Variants in ZIC4 observed in about 807,000 individuals in gnomAD.
ZIC4 encodes zinc finger protein ZIC 4.
A neutral mutation model predicts 28.8 loss-of-function variants in ZIC4; 15 were observed. The observed-to-expected ratio is 0.52, with a 90% CI of 0.35 to 0.80. The LOEUF (loss-of-function observed/expected upper bound fraction) is 0.80. Among genes scored for constraint, ZIC4 ranks in the 30% least tolerant of loss-of-function variants. ZIC4 has a pLI of 0.01. For synonymous variants in ZIC4, 220 were observed against 198.1 expected, an observed-to-expected ratio of 1.11 and a Z score of -0.93; for missense variants, 512 against 467.1, an observed-to-expected ratio of 1.10 and a Z score of -0.89.
rs780565526 is a variant in ZIC4, at chr3:147,391,212, G to A, written c.723C>T (p.Cys241=). 10 of 1,603,642 alleles carry A rather than the reference G, an allele frequency of 6.2e-6. No homozygotes were observed. Among genetic ancestry groups the A allele is most frequent in the Non-Finnish European group, 3.4e-6 (4 of 1,172,370 alleles). ...CGCTGCTGTTGGCGAAGCGCCGCTC[G>A]CAGCCCTCGAACTCGCATCTGAAGG... ...EKPFRCEFEG[C]ERRFANSSDR... The change falls in exon 4 of 5, where the codon TGC becomes TGT. Residue 241 remains cysteine (C), a synonymous_variant. Coordinates refer to ENST00000383075, the MANE Select transcript of ZIC4 (RefSeq NM_032153.6).
At chr3:147,397,419 C>A (rs1282375150) in intron 2 of ZIC4, among the ~76,000 whole-genome samples, 2 of 152,042 alleles carry the variant, frequency 1.3e-5, no homozygotes, top group Non-Finnish European at 2.9e-5. Context: ...CTCCCTCACC[C>A]CACCCCCACA....
intron 2 of ZIC4, among the ~76,000 whole-genome samples, chr3:147,400,933 C>T (rs552792379): frequency 6.6e-6 from 1 of 152,290 alleles, no homozygotes; most frequent in South Asian, 2.1e-4. Context: ...TCTATTCCTA[C>T]CCATGCCTGG....
chr3:147,392,245 A>G (rs1386493048), intron 3 of ZIC4: 2 of 985,594 alleles, frequency 2.0e-6, no homozygotes, highest in Non-Finnish European at 2.4e-6. Context: ...CGGGAAGAAA[A>G]CAGCTGCTGC....
At chr3:147,402,455 G>A (rs955897594) in intron 2 of ZIC4, among the ~76,000 whole-genome samples, 23 of 152,180 alleles carry the variant, frequency 1.5e-4, no homozygotes, top group Non-Finnish European at 3.4e-4. Flanking sequence ...GTTTCAATGA[G>A]AGAATCGTCA....
At position 147,396,221 on chromosome 3, in the gene ZIC4, G is replaced by T; in HGVS notation, c.319C>A (p.Leu107Ile). 6.2e-7 allele frequency: 1 copy of T among 1,613,986 alleles called. No individual in the cohort carries two copies. Among genetic ancestry groups the T allele is most frequent in the Non-Finnish European group, 8.5e-7 (1 of 1,179,956 alleles). The change falls in exon 3 of 5, where the codon CTC becomes ATC. Residue 107 changes from leucine (L) to isoleucine (I), a missense_variant. Leu to Ile is a conservative substitution (Grantham distance 5). Coordinates refer to ENST00000383075, the MANE Select transcript of ZIC4 (RefSeq NM_032153.6). The surrounding 1 kb of genome is among the most constrained non-coding windows in gnomAD (Gnocchi z 4.2). ...GCGCCAGGACCGTGGGGCGCAGCGA[G>T]GTTCACCGTCAGGTTCATGCCCCCG... ...GYGGMNLTVN[L>I]AAPHGPGAFF...
In ZIC4 at chr3:147,396,635, G is replaced by T; in HGVS notation, c.71-166C>A. On this transcript the variant is annotated intron_variant, in intron 2 of 4. Coordinates refer to ENST00000383075, the MANE Select transcript of ZIC4 (RefSeq NM_032153.6). The surrounding 1 kb of genome is among the most constrained non-coding windows in gnomAD (Gnocchi z 4.2). ...CAGTGAACCCGGTGGACAGAGCAAG[G>T]CCAAACACCTCCGCCGCCATTGGGC... is the stretch of plus-strand genomic sequence containing the variant. The T allele has an allele frequency of 1.2e-6, 1 of 839,640 alleles. No individual in the cohort carries two copies. The highest frequency in any genetic ancestry group is 1.7e-6 in the Non-Finnish European group (1 of 592,188). The allele number at this position is 839,640 out of a possible 1,614,324, so 52.0% of individuals were successfully genotyped here. A position where few individuals can be genotyped will look rare whatever the true frequency, so the allele number is the denominator to read the frequency against.
chr3:147,397,117 G>T (rs1256396778), intron 2 of ZIC4: 2 of 151,914 alleles, frequency 1.3e-5, no homozygotes, highest in Non-Finnish European at 2.9e-5. Flanking sequence ...TTCTTCCCAA[G>T]GTTTGGATTT....
At chr3:147,403,773 T>A (rs2087217297) in intron 1 of ZIC4, 1 of 547,164 alleles carries the variant, frequency 1.8e-6, no homozygotes, top group South Asian at 3.1e-5. Context: ...GTTTAACTTG[T>A]TGAACCACAG....
At chr3:147,388,905 A>T in intron 4 of ZIC4, 46 bp from the exon 5 acceptor site, 1 of 778,328 alleles carries the variant, frequency 1.3e-6, no homozygotes, top group Non-Finnish European at 2.4e-6. Flanking sequence ...TGGCCGACCA[A>T]ACATTTTGTT....
Position 147,387,992 on chromosome 3 carries a change from C to G in ZIC4, c.*867G>C, listed in dbSNP as rs929728199. 2 of 152,464 alleles carry G rather than the reference C, an allele frequency of 1.3e-5. No homozygotes were observed. Among genetic ancestry groups the G allele is most frequent in the Non-Finnish European group, 2.9e-5 (2 of 68,044 alleles). 9.4% of individuals were successfully genotyped at this position (152,464 alleles called of 1,614,324 possible). ...AAATCTTTCACTCCTGATCCTGGAGCCTCTTTGGGGTGCAGTCAAGATGCA... is the reference window on the plus strand; with the variant it reads ...AAATCTTTCACTCCTGATCCTGGAGGCTCTTTGGGGTGCAGTCAAGATGCA... On this transcript the variant is annotated 3_prime_UTR_variant, in exon 5 of 5. Transcript: ENST00000383075.
chr3:147,393,924 A>G (rs1559961123), intron 3 of ZIC4: 1 of 456,746 alleles, frequency 2.2e-6, no homozygotes. Flanking sequence ...TCGCCTTCAA[A>G]GCCAGGCCCC....
intron 2 of ZIC4, among the ~76,000 whole-genome samples, chr3:147,398,690 A>C (rs1176649672): frequency 6.6e-6 from 1 of 152,104 alleles, no homozygotes; most frequent in African/African-American, 2.4e-5. Flanking sequence ...GTGTCCCCCA[A>C]ACAGAGAAAG....
At position 147,391,245 on chromosome 3, in the gene ZIC4, G is replaced by T. The variant is rs202160569; in HGVS notation, c.690C>A (p.Gly230=). The T allele has an allele frequency of 1.2e-4, 194 of 1,578,360 alleles. No individual in the cohort carries two copies. Among genetic ancestry groups the T allele is most frequent in the Non-Finnish European group, 9.5e-6 (11 of 1,156,364 alleles). The change falls in exon 4 of 5, where the codon GGC becomes GGA. Residue 230 remains glycine (G), a splice_region_variant and synonymous_variant. Transcript: ENST00000383075. ...NLKIHKRTHT[G]EKPFRCEFEG... is the part of the protein sequence containing the mutation. ...CGAACTCGCATCTGAAGGGCTTCTCGCCTGGCGGAGGCAACGCAGAGACAT... is the reference window on the plus strand; with the variant it reads ...CGAACTCGCATCTGAAGGGCTTCTCTCCTGGCGGAGGCAACGCAGAGACAT...
At chr3:147,392,125 G>A in intron 3 of ZIC4, 4 of 985,652 alleles carry the variant, frequency 4.1e-6, no homozygotes, top group Non-Finnish European at 4.8e-6. Context: ...ACCCCCACCT[G>A]GCTGTCGGGC....
Position 147,386,190 on chromosome 3 carries a change from G to A in ZIC4, c.*2669C>T, listed in dbSNP as rs2086794688. On this transcript the variant is annotated 3_prime_UTR_variant, in exon 5 of 5. Transcript: ENST00000383075. Reference sequence around the variant, plus strand: ...TTATATATTTACAAGATCAAGCCATGGCTTTCAACTTTGTTGTTCATTCAA... The same window carrying A: ...TTATATATTTACAAGATCAAGCCATAGCTTTCAACTTTGTTGTTCATTCAA... 2 of 152,234 alleles carry A rather than the reference G, an allele frequency of 1.3e-5. No individual in the cohort carries two copies. Among genetic ancestry groups the A allele is most frequent in the African/African-American group, 4.8e-5 (2 of 41,456 alleles). 9.4% of individuals were successfully genotyped at this position (152,234 alleles called of 1,614,324 possible).
rs2087038381 is a variant in ZIC4, at chr3:147,396,192, G to A, written c.348C>T (p.Phe116=). 1.2e-6 allele frequency: 2 copies of A among 1,614,142 alleles called. No homozygotes were observed. The highest frequency in any genetic ancestry group is 1.1e-5 in the South Asian group (1 of 91,084). ...TGATGGGCTGGCGCATGTAGCGGAA[G>A]AAAGCGCCAGGACCGTGGGGCGCAG... ...NLAAPHGPGA[F]FRYMRQPIKQ... is the part of the protein sequence containing the mutation. The change falls in exon 3 of 5, where the codon TTC becomes TTT. Residue 116 remains phenylalanine, a synonymous_variant. Transcript: ENST00000383075. The surrounding 1 kb of genome is among the most constrained non-coding windows in gnomAD (Gnocchi z 4.2).
In ZIC4 at chr3:147,389,001, G is replaced by T. The variant is rs2086851096; in HGVS notation, c.*-142C>A. The T allele has an allele frequency of 4.6e-6, 3 of 647,204 alleles. No individual in the cohort carries two copies. In the South Asian group the frequency reaches 5.5e-5, roughly 12 times the overall value. The allele number at this position is 647,204 out of a possible 1,614,324, so 40.1% of individuals were successfully genotyped here. On this transcript the variant is annotated intron_variant, in intron 4 of 4. Coordinates refer to ENST00000383075, the MANE Select transcript of ZIC4 (RefSeq NM_032153.6). ...AAGAAAAAAGTCCTACTTCAGGAAGGGGGACTTTTTAAACATTGGCAGAAG... is the reference window on the plus strand; with the variant it reads ...AAGAAAAAAGTCCTACTTCAGGAAGTGGGACTTTTTAAACATTGGCAGAAG...
Position 147,396,136 on chromosome 3 carries a change from G to T in ZIC4, c.404C>A (p.Ala135Asp). The T allele has an allele frequency of 6.2e-7, 1 of 1,612,608 alleles. No homozygotes were observed. Among genetic ancestry groups the T allele is most frequent in the Non-Finnish European group, 8.5e-7 (1 of 1,179,822 alleles). The stretch of plus-strand genomic sequence containing the variant: ...GAGGCTCGGGGTCGCGGTGCCGTCG[G>T]CCGCCAGCCACTTGCAGATGAGCTC... ...KQELICKWLA[A>D]DGTATPSLCS... Residue 135 changes from alanine (A) to aspartate (D), a missense_variant, in exon 3 of 5, where the codon GCC becomes GAC. Physicochemically the swap from Ala to Asp is moderately radical, Grantham distance 126 (BLOSUM62 -2). Transcript: ENST00000383075. This position sits in a 1 kb window ranked among gnomAD's most constrained non-coding sequence, Gnocchi z 4.2.
At chr3:147,393,831 C>T (rs1183593454) in intron 3 of ZIC4, 6 of 454,790 alleles carry the variant, frequency 1.3e-5, no homozygotes, top group Non-Finnish European at 2.7e-5. Context: ...AGCGCGGTTG[C>T]TGGCCCGCGC....
Sources: gnomAD v4.1 joint callset for allele counts (sites outside exome capture counted in the v4.1 genomes callset) on GRCh38, gnomAD v4.1.1 for gene constraint, Gnocchi (gnomAD v3.1) non-coding constraint, MANE v1.5 for transcripts, NCBI Gene and HGNC (gene_info 2026-07-23, HGNC 2026-07-21) for gene names.